Variants in RASA1 observed in about 807,000 individuals in gnomAD.
The protein encoded by RASA1 is ras GTPase-activating protein 1.
In RASA1, 25 loss-of-function variants were observed where a neutral mutation model predicts 132.2. The ratio of observed to expected loss-of-function variants is 0.19; its 90% CI spans 0.14 to 0.26. The LOEUF (loss-of-function observed/expected upper bound fraction) is 0.26. Ranked by LOEUF, RASA1 falls within the 10% of genes least tolerant of loss-of-function variation. The probability of loss-of-function intolerance (pLI) is 1.00; values close to 1 mark genes in which losing one functional copy is unlikely to be tolerated. For synonymous variants in RASA1, 477 were observed against 449.9 expected (o/e 1.06, Z -0.76); for missense variants, 964 against 1,299.2 (o/e 0.74, Z 3.97).
chr5:87,339,963 T>G (rs901316273), intron 5 of RASA1, among the ~76,000 whole-genome samples: 1 of 152,130 alleles, frequency 6.6e-6, no homozygotes, highest in Non-Finnish European at 1.5e-5. Flanking sequence ...TCTAAAATTC[T>G]AATTACAGTT....
chr5:87,383,933 T>C (rs1761900336), intron 21 of RASA1, among the ~76,000 whole-genome samples, 153 bp downstream of exon 21: 1 of 152,052 alleles, frequency 6.6e-6, no homozygotes, highest in Admixed American at 6.6e-5. Context: ...TCCTTCCTTG[T>C]GCTTGTGCTT....
chr5:87,386,942 T>C lies in RASA1; in HGVS notation c.2925+39T>C, dbSNP rs760339965. Reference sequence around the variant, plus strand: ...TTTCAGGTACTTTTTTTAAGACTTCTAGTTGATATAGCTGAGTTAACCCAT... The same window carrying C: ...TTTCAGGTACTTTTTTTAAGACTTCCAGTTGATATAGCTGAGTTAACCCAT... On this transcript the variant is annotated intron_variant, in intron 23 of 24. Coordinates refer to ENST00000274376, the MANE Select transcript of RASA1 (RefSeq NM_002890.3). The C allele has an allele frequency of 2.7e-5, 41 of 1,498,414 alleles. No individual in the cohort carries two copies. In the South Asian group the frequency reaches 4.1e-4, roughly 15 times the overall value. The allele number at this position is 1,498,414 out of a possible 1,614,324, so 92.8% of individuals were successfully genotyped here.
At chr5:87,383,851 T>A in intron 21 of RASA1, 71 bp downstream of exon 21, 16 of 1,212,072 alleles carry the variant, frequency 1.3e-5, no homozygotes, top group Non-Finnish European at 1.8e-5. Context: ...TTAAGAATAC[T>A]CTTAAATCTT....
At chr5:87,320,282 A>G (rs917831611) in intron 1 of RASA1, among the ~76,000 whole-genome samples, 7 of 152,152 alleles carry the variant, frequency 4.6e-5, no homozygotes, top group Admixed American at 3.9e-4. Context: ...GCCTCTGCCT[A>G]TTACCCAGTT....
intron 17 of RASA1, chr5:87,377,319 T>A: frequency 2.2e-6 from 1 of 446,060 alleles, no homozygotes; most frequent in South Asian, 2.1e-5. Flanking sequence ...GTTTGGCATA[T>A]TTATCTGTAT....
At chr5:87,338,723 G>C (rs1049973589) in intron 5 of RASA1, among the ~76,000 whole-genome samples, 16 of 150,558 alleles carry the variant, frequency 1.1e-4, no homozygotes, top group Non-Finnish European at 2.1e-4. Flanking sequence ...TTCCTCATAA[G>C]TGAAGTTATA....
At chr5:87,287,378 CACACACCATATATATACCATATAT>C (rs1561256767) in intron 1 of RASA1, among the ~76,000 whole-genome samples, 13 of 143,372 alleles carry the variant, frequency 9.1e-5, no homozygotes, top group East Asian at 2.1e-4. Context: ...ACCATATATA[CACACACCATATATATACCATATAT>C]ACACACCATA....
chr5:87,300,628 AT>A (rs199545312), intron 1 of RASA1, among the ~76,000 whole-genome samples: 1 of 152,238 alleles, frequency 6.6e-6, no homozygotes, highest in East Asian at 1.9e-4. Context: ...ATGAAATCTT[AT>A]GCAATTATTT....
chr5:87,269,258 CGG>C, intron 1 of RASA1: 3 of 1,539,336 alleles, frequency 1.9e-6, no homozygotes, highest in Non-Finnish European at 2.6e-6. Flanking sequence ...TAATGAGAAC[CGG>C]ATATAGTTCT....
chr5:87,269,030 T>G, intron 1 of RASA1, 40 bp downstream of exon 1: 1 of 1,614,232 alleles, frequency 6.2e-7, no homozygotes, highest in Non-Finnish European at 8.5e-7. Context: ...GGAAGCTGGC[T>G]CCAGAAAAGA....
At chr5:87,288,774 GAA>G (rs1448433731) in intron 1 of RASA1, among the ~76,000 whole-genome samples, 1 of 152,134 alleles carries the variant, frequency 6.6e-6, no homozygotes, top group Admixed American at 6.5e-5. Flanking sequence ...GAAATTTGCA[GAA>G]AAGTTGCAAG....
intron 1 of RASA1, among the ~76,000 whole-genome samples, chr5:87,308,305 G>A (rs1487103023): frequency 6.6e-6 from 1 of 152,066 alleles, no homozygotes; most frequent in East Asian, 1.9e-4. Context: ...AAGTGGCAGA[G>A]TGGCTGCTGA....
At chr5:87,389,170 T>C (rs1762282677) in intron 23 of RASA1, 1 of 440,972 alleles carries the variant, frequency 2.3e-6, no homozygotes, top group East Asian at 4.8e-5. Flanking sequence ...GATTTGTATT[T>C]GTAACAAAAA....
At chr5:87,340,624 A>G (rs1758363141) in intron 5 of RASA1, among the ~76,000 whole-genome samples, 2 of 152,298 alleles carry the variant, frequency 1.3e-5, no homozygotes, top group South Asian at 4.1e-4. Flanking sequence ...AGTTCAAAAC[A>G]TAGTAAAAGG....
chr5:87,365,507 G>A (rs948731924), intron 11 of RASA1, among the ~76,000 whole-genome samples: 3 of 151,742 alleles, frequency 2.0e-5, no homozygotes, highest in Non-Finnish European at 4.4e-5. Flanking sequence ...ACCTTTTTTC[G>A]ATTAACAGAG....
At position 87,391,002 on chromosome 5, in the gene RASA1, T is replaced by G. The variant is rs1196968777; in HGVS notation, c.*119T>G. ...CACACTTTTCCACATTCCAGTGATG[T>G]GTGAGCTATGCAAACAAAATCCAAG... On this transcript the variant is annotated 3_prime_UTR_variant, in exon 25 of 25. Coordinates refer to ENST00000274376, the MANE Select transcript of RASA1 (RefSeq NM_002890.3). The G allele has an allele frequency of 1.8e-5, 18 of 1,003,970 alleles. No homozygotes were observed. In the East Asian group the frequency reaches 4.6e-4, roughly 26 times the overall value. The allele number at this position is 1,003,970 out of a possible 1,614,324, so 62.2% of individuals were successfully genotyped here.
chr5:87,329,682 T>C (rs1757472931), intron 1 of RASA1, among the ~76,000 whole-genome samples: 1 of 152,164 alleles, frequency 6.6e-6, no homozygotes, highest in Non-Finnish European at 1.5e-5. Flanking sequence ...TAGAGATTTT[T>C]AAAAATTGTC....
rs990355710 is a variant in RASA1, at chr5:87,334,791, A to G, written c.899+1454A>G. Among the ~76,000 whole-genome samples, 3 of 152,240 alleles carry G rather than the reference A, an allele frequency of 2.0e-5. 1 individual carries two copies. The highest frequency in any genetic ancestry group is 1.3e-4 in the Admixed American group (2 of 15,284). On this transcript the variant is annotated intron_variant, in intron 4 of 24. Transcript: ENST00000274376. ...CTGTGACTACACAACTTTAATCTGT[A>G]TGATGAAATGGGAAGTATGTATAAA...
At chr5:87,378,816 C>T (rs1181009615) in intron 18 of RASA1, among the ~76,000 whole-genome samples, 1 of 152,118 alleles carries the variant, frequency 6.6e-6, no homozygotes, top group Non-Finnish European at 1.5e-5. Context: ...CTATATACTA[C>T]TTACAGAAAG....
Sources: allele counts gnomAD v4.1 joint callset (sites outside exome capture counted in the v4.1 genomes callset), GRCh38; gene constraint gnomAD v4.1.1; transcripts MANE v1.5; gene names NCBI Gene and HGNC (gene_info 2026-07-23, HGNC 2026-07-21).